Variants in CFAP54 observed in about 807,000 individuals in gnomAD.
CFAP54 encodes cilia and flagella associated protein 54, also known as cilia- and flagella-associated protein 54.
A neutral mutation model predicts 370.4 loss-of-function variants in CFAP54; 290 were observed. The observed-to-expected ratio is 0.78, with a 90% confidence interval of 0.71 to 0.86. The LOEUF (loss-of-function observed/expected upper bound fraction) is 0.86. Ranked by LOEUF, CFAP54 falls within the 40% of genes least tolerant of loss-of-function variation. The pLI is 0.00. For synonymous variants in CFAP54, 1,206 were observed against 1,236.5 expected (o/e 0.98, Z 0.52); for missense variants, 3,399 against 3,528.7 (o/e 0.96, Z 0.93).
intron 63 of CFAP54, among the ~76,000 whole-genome samples, chr12:96,804,761 CA>C (rs1358359974): frequency 6.6e-6 from 1 of 151,826 alleles, no homozygotes; most frequent in Non-Finnish European, 1.5e-5. Flanking sequence ...TCATATGGAA[CA>C]AAAAAACAGC....
chr12:96,618,053 A>G (rs929211216), intron 26 of CFAP54, among the ~76,000 whole-genome samples: 7 of 151,708 alleles, frequency 4.6e-5, no homozygotes, highest in African/African-American at 1.2e-4. Context: ...TCTTCCATCA[A>G]TGAGTATTTC....
intron 1 of CFAP54, among the ~76,000 whole-genome samples, chr12:96,494,742 T>A (rs1407902045): frequency 1.3e-5 from 2 of 151,998 alleles, no homozygotes; most frequent in Non-Finnish European, 2.9e-5. Flanking sequence ...TATTATTATT[T>A]TTTGAGACAG....
In CFAP54 at chr12:96,743,829, T is replaced by C; in HGVS notation, c.7476T>C (p.Ala2492=). The C allele has an allele frequency of 6.2e-7, 1 of 1,613,980 alleles. No homozygotes were observed. Among genetic ancestry groups the C allele is most frequent in the Non-Finnish European group, 8.5e-7 (1 of 1,179,924 alleles). ...TTTTGCTGGATGACTTAACCAAAGCTGAGAAATTCAAGGAATCTCCCTCTT... is the reference window on the plus strand; with the variant it reads ...TTTTGCTGGATGACTTAACCAAAGCCGAGAAATTCAAGGAATCTCCCTCTT... ...SLVLLDDLTK[A]EKFKESPSSK... is the part of the protein sequence containing the mutation. Residue 2492 remains alanine, a synonymous_variant, in exon 54 of 68, where the codon GCT becomes GCC. Transcript: ENST00000524981.
chr12:96,734,431 C>G (rs1255579409), intron 50 of CFAP54, among the ~76,000 whole-genome samples: 1 of 152,124 alleles, frequency 6.6e-6, no homozygotes, highest in Admixed American at 6.5e-5. Flanking sequence ...TAGATTTCTC[C>G]CTGGCCCATA....
chr12:96,608,022 C>T (rs962541913), intron 26 of CFAP54, among the ~76,000 whole-genome samples: 37 of 152,052 alleles, frequency 2.4e-4, no homozygotes, highest in African/African-American at 7.2e-4. Flanking sequence ...ACAATTGATT[C>T]AGAACAGAAA....
At chr12:96,641,870 T>C (rs1404517433) in intron 32 of CFAP54, among the ~76,000 whole-genome samples, 1 of 150,080 alleles carries the variant, frequency 6.7e-6, no homozygotes, top group African/African-American at 2.5e-5. Context: ...TAGGTGGGAA[T>C]TGAACAATGA....
intron 49 of CFAP54, among the ~76,000 whole-genome samples, chr12:96,719,372 C>T (rs1480348019): frequency 6.6e-6 from 1 of 152,176 alleles, no homozygotes; most frequent in African/African-American, 2.4e-5. Context: ...ATATTCACTG[C>T]TCTGCACAAA....
intron 8 of CFAP54, among the ~76,000 whole-genome samples, chr12:96,523,556 C>T (rs961589810): frequency 1.3e-5 from 2 of 152,124 alleles, no homozygotes; most frequent in African/African-American, 2.4e-5. Context: ...TGAGCTATAT[C>T]CCTTACTAAC....
chr12:96,846,471 T>C (rs567819996), intron 66 of CFAP54, among the ~76,000 whole-genome samples: 4 of 152,318 alleles, frequency 2.6e-5, no homozygotes, highest in Admixed American at 1.3e-4. Context: ...AAAAATTCTT[T>C]CCTGGGGAAA....
chr12:96,688,991 C>G lies in CFAP54; in HGVS notation c.6081+9C>G. ...CTGCGTTACTCTTTCAGGTAACACT[C>G]TATGTATGTATGTTTTTCCATTGTA... On this transcript the variant is annotated intron_variant, in intron 43 of 67. Transcript: ENST00000524981. 6.6e-7 allele frequency: 1 copy of G among 1,515,672 alleles called. No homozygotes were observed. The highest frequency in any genetic ancestry group is 8.9e-7 in the Non-Finnish European group (1 of 1,127,204). 93.9% of individuals were successfully genotyped at this position (1,515,672 alleles called of 1,614,324 possible).
chr12:96,849,114 C>A (rs1167193605), intron 66 of CFAP54, among the ~76,000 whole-genome samples: 2 of 151,982 alleles, frequency 1.3e-5, no homozygotes, highest in African/African-American at 4.8e-5. Flanking sequence ...TGTTTTTCCC[C>A]AGTCTAGAAA....
intron 42 of CFAP54, among the ~76,000 whole-genome samples, chr12:96,686,012 T>G (rs1957326542): frequency 6.6e-6 from 1 of 152,232 alleles, no homozygotes; most frequent in Non-Finnish European, 1.5e-5. Context: ...TCCTCATCTC[T>G]AAGCCAAGGT....
At chr12:96,548,377 G>T (rs376438838) in intron 15 of CFAP54, among the ~76,000 whole-genome samples, 54 of 152,110 alleles carry the variant, frequency 3.6e-4, no homozygotes, top group African/African-American at 1.3e-3. Context: ...ACTTTACTTG[G>T]TTTTTAATAA....
At chr12:96,741,526 G>A (rs1207637806) in intron 51 of CFAP54, among the ~76,000 whole-genome samples, 4 of 152,054 alleles carry the variant, frequency 2.6e-5, no homozygotes. Context: ...CTACCCACCT[G>A]CATTTGAGCC....
At position 96,551,602 on chromosome 12, in the gene CFAP54, A is replaced by C. The variant is rs76026721; in HGVS notation, c.2155-2580A>C. Among the ~76,000 whole-genome samples the C allele has an allele frequency of 4.8e-3, 723 of 152,202 alleles. 8 individuals carry two copies. The highest frequency in any genetic ancestry group is 0.016 in the African/African-American group (648 of 41,498). On this transcript the variant is annotated intron_variant, in intron 15 of 67. Transcript: ENST00000524981. ...TTTAACACTAGAAATACATAATGCA[A>C]TACATTGCATTAGCTGATGAAAGGA...
chr12:96,611,487 C>G (rs1490591392), intron 26 of CFAP54, among the ~76,000 whole-genome samples: 1 of 152,186 alleles, frequency 6.6e-6, no homozygotes, highest in African/African-American at 2.4e-5. Flanking sequence ...TGGCTCTCTC[C>G]CTCCAAAGGA....
rs187943138 is a variant in CFAP54, at chr12:96,700,675, C to T, written c.6474+582C>T. ...CCTTGAAAATGAATACTGGAGTTGA[C>T]GTTTAAAGCATAAATTAAATCAGAG... is the stretch of plus-strand genomic sequence containing the variant. On this transcript the variant is annotated intron_variant, in intron 46 of 67. Transcript: ENST00000524981. Among the ~76,000 whole-genome samples, 242 of 152,152 alleles carry T rather than the reference C, an allele frequency of 1.6e-3. 3 individuals carry two copies. The highest frequency in any genetic ancestry group is 4.1e-3 in the African/African-American group (170 of 41,500).
At chr12:96,594,247 A>G (rs555333399) in intron 24 of CFAP54, 44 bp from the exon 25 acceptor site, 191 of 1,377,746 alleles carry the variant, frequency 1.4e-4, no homozygotes, top group Admixed American at 1.8e-4. Context: ...ACATACGCTA[A>G]GCACCTATGT....
At chr12:96,566,025 C>G (rs1456731541) in intron 19 of CFAP54, among the ~76,000 whole-genome samples, 2 of 152,184 alleles carry the variant, frequency 1.3e-5, no homozygotes, top group Admixed American at 6.5e-5. Flanking sequence ...CACTCATTCT[C>G]TCTCCTGCTG....
Sources: gnomAD v4.1 joint callset for allele counts (sites outside exome capture counted in the v4.1 genomes callset) on GRCh38, gnomAD v4.1.1 for gene constraint, MANE v1.5 for transcripts, NCBI Gene and HGNC (gene_info 2026-07-23, HGNC 2026-07-21) for gene names.